The following CACNB4 variants were observed in gnomAD, a reference collection of about 807,000 sequenced individuals.
CACNB4 encodes the protein calcium voltage-gated channel auxiliary subunit beta 4, also known as voltage-dependent L-type calcium channel subunit beta-4.
Under a neutral mutation model 71.2 loss-of-function variants are expected in CACNB4, and 32 were observed. The ratio of observed to expected loss-of-function variants is 0.45; its 90% CI spans 0.34 to 0.60. The LOEUF is 0.60. Ranked by LOEUF, CACNB4 falls within the 20% of genes least tolerant of loss-of-function variation. The pLI, the probability that CACNB4 is intolerant of heterozygous loss-of-function variation, is 0.01. For synonymous variants in CACNB4, 231 were observed against 236.9 expected (o/e 0.97, Z 0.23); for missense variants, 464 against 647.9 (o/e 0.72, Z 3.08).
chr2:152,034,396 G>A (rs1291806705), intron 2 of CACNB4, among the ~76,000 whole-genome samples: 1 of 152,152 alleles, frequency 6.6e-6, no homozygotes, highest in African/African-American at 2.4e-5. Context: ...CAGGGCTCTG[G>A]TGAAGGGTGA....
chr2:151,957,257 CGTGTGTGTGTGTGT>C (rs1553791572), intron 2 of CACNB4, among the ~76,000 whole-genome samples: 14 of 131,788 alleles, frequency 1.1e-4, no homozygotes, highest in African/African-American at 3.6e-4. Flanking sequence ...AGTGGCTGGG[CGTGTGTGTGTGTGT>C]GTGTGTGTGT....
chr2:152,044,364 G>T (rs1313609948), intron 2 of CACNB4, among the ~76,000 whole-genome samples: 1 of 152,090 alleles, frequency 6.6e-6, no homozygotes, highest in Non-Finnish European at 1.5e-5. Flanking sequence ...GGGATTACAG[G>T]TGCGCATCAC....
intron 2 of CACNB4, among the ~76,000 whole-genome samples, chr2:151,965,532 G>A (rs1044462888): frequency 1.3e-5 from 2 of 152,120 alleles, no homozygotes; most frequent in Admixed American, 6.5e-5. Flanking sequence ...TGTAAAGCAA[G>A]AAAACACTGA....
At position 151,951,434 on chromosome 2, in the gene CACNB4, G is replaced by A. The variant is rs1259530636; in HGVS notation, c.148-68064C>T. Reference sequence around the variant, plus strand: ...CCAGAGCCAGCACACAGCCCCAGACGACCACATTTTCCAATTTCTTTTAAG... The same window carrying A: ...CCAGAGCCAGCACACAGCCCCAGACAACCACATTTTCCAATTTCTTTTAAG... On this transcript the variant is annotated intron_variant, in intron 2 of 13. Coordinates refer to ENST00000539935, the MANE Select transcript of CACNB4 (RefSeq NM_000726.5). Among the ~76,000 whole-genome samples the A allele has an allele frequency of 5.3e-5, 8 of 152,040 alleles. No individual in the cohort carries two copies. In the South Asian group the frequency reaches 1.0e-3, roughly 20 times the overall value.
At chr2:151,850,141 CT>C (rs750436136) in intron 12 of CACNB4, 1,331 of 98,166 alleles carry the variant, frequency 0.014, 6 homozygotes, top group Middle Eastern at 0.031. Context: ...TTCTTTCTTT[CT>C]TTTTTTTTTT....
intron 2 of CACNB4, among the ~76,000 whole-genome samples, chr2:151,924,634 A>G (rs1463715293): frequency 6.6e-6 from 1 of 152,052 alleles, no homozygotes; most frequent in Non-Finnish European, 1.5e-5. Flanking sequence ...TGAATTACTT[A>G]TATTAGGAAT....
chr2:151,976,598 C>T (rs1365816107), intron 2 of CACNB4, among the ~76,000 whole-genome samples: 2 of 152,124 alleles, frequency 1.3e-5, no homozygotes, highest in Middle Eastern at 3.2e-3. Flanking sequence ...AGAATCAGCA[C>T]CACACCTGTG....
chr2:152,014,621 C>T (rs1169246543), intron 2 of CACNB4, among the ~76,000 whole-genome samples: 2 of 151,640 alleles, frequency 1.3e-5, no homozygotes, highest in Non-Finnish European at 2.9e-5. Flanking sequence ...ATCCCAGGTA[C>T]TCAGGAGGGT....
At chr2:152,091,311 T>G (rs1687960482) in intron 2 of CACNB4, among the ~76,000 whole-genome samples, 1 of 152,186 alleles carries the variant, frequency 6.6e-6, no homozygotes, top group African/African-American at 2.4e-5. Flanking sequence ...TAAAGTTCAT[T>G]GTAACTGGAT....
At chr2:151,891,982 C>T (rs1272281676) in intron 2 of CACNB4, among the ~76,000 whole-genome samples, 1 of 152,150 alleles carries the variant, frequency 6.6e-6, no homozygotes, top group Non-Finnish European at 1.5e-5. Flanking sequence ...GGCAGTTGCA[C>T]TTGGCAGCAT....
chr2:151,871,836 T>C (rs1330125276), intron 6 of CACNB4: 1 of 153,064 alleles, frequency 6.5e-6, no homozygotes, highest in Non-Finnish European at 1.5e-5. Context: ...AGAAGAAAAA[T>C]TCCTACATGA....
intron 2 of CACNB4, among the ~76,000 whole-genome samples, chr2:151,892,268 T>A (rs540880831): frequency 1.3e-5 from 2 of 152,004 alleles, no homozygotes; most frequent in African/African-American, 4.8e-5. Flanking sequence ...TACTTTTACA[T>A]TGTGGTCTGT....
intron 2 of CACNB4, among the ~76,000 whole-genome samples, chr2:151,985,500 A>T (rs1389019969): frequency 2.0e-5 from 3 of 152,148 alleles, no homozygotes; most frequent in Admixed American, 6.5e-5. Flanking sequence ...TCTTGATCAC[A>T]TTGCCAAAGG....
intron 2 of CACNB4, among the ~76,000 whole-genome samples, chr2:152,093,398 T>C (rs895110618): frequency 7.3e-6 from 1 of 137,480 alleles, no homozygotes; most frequent in African/African-American, 3.2e-5. Context: ...TTGCTGTTTT[T>C]TGGTGTGTGT....
intron 2 of CACNB4, among the ~76,000 whole-genome samples, chr2:151,960,799 T>C (rs1391782516): frequency 6.6e-6 from 1 of 152,192 alleles, no homozygotes; most frequent in Non-Finnish European, 1.5e-5. Context: ...TCCATCCTAA[T>C]CCTGATCACA....
intron 2 of CACNB4, among the ~76,000 whole-genome samples, chr2:152,026,266 C>T (rs903913451): frequency 5.9e-5 from 9 of 152,206 alleles, no homozygotes; most frequent in Non-Finnish European, 1.2e-4. Context: ...TTTCCTCCTT[C>T]CCTCCTGAAT....
At chr2:151,882,526 T>C (rs2099848182) in intron 3 of CACNB4, among the ~76,000 whole-genome samples, 2 of 152,154 alleles carry the variant, frequency 1.3e-5, no homozygotes, top group African/African-American at 2.4e-5. Flanking sequence ...TATTTTGCTA[T>C]TGTGCATAAA....
chr2:152,002,794 T>C (rs1682499340), intron 2 of CACNB4, among the ~76,000 whole-genome samples: 1 of 152,236 alleles, frequency 6.6e-6, no homozygotes. Context: ...CCATTCTATG[T>C]GGTGTTAGTG....
intron 2 of CACNB4, among the ~76,000 whole-genome samples, chr2:152,077,246 C>A (rs942762956): frequency 6.6e-6 from 1 of 152,062 alleles, no homozygotes; most frequent in Non-Finnish European, 1.5e-5. Context: ...AATGGCGAAA[C>A]CTTGTCTCTA....
Sources: gnomAD v4.1 joint callset for allele counts (sites outside exome capture counted in the v4.1 genomes callset) on GRCh38, gnomAD v4.1.1 for gene constraint, MANE v1.5 for transcripts, NCBI Gene and HGNC (gene_info 2026-07-23, HGNC 2026-07-21) for gene names.